INSYN2B: variants seen among roughly 807,000 people sequenced by gnomAD.
INSYN2B encodes inhibitory synaptic factor family member 2B.
Under a neutral mutation model 41.2 loss-of-function variants are expected in INSYN2B, and 16 were observed. The observed-to-expected ratio is 0.39, with a 90% CI of 0.26 to 0.59. The LOEUF (loss-of-function observed/expected upper bound fraction) is 0.59, where lower values mean the gene tolerates loss of function less well. INSYN2B is among the 20% of genes least tolerant of loss of function. INSYN2B has a pLI of 0.57. For missense variants in INSYN2B, 608 were observed against 646.4 expected, an observed-to-expected ratio of 0.94 and a Z score of 0.64; for synonymous variants, 245 against 244.4, an observed-to-expected ratio of 1.00 and a Z score of -0.02.
chr5:169,902,157 G>A (rs1477970758), intron 1 of INSYN2B, among the ~76,000 whole-genome samples: 1 of 152,136 alleles, frequency 6.6e-6, no homozygotes, highest in Non-Finnish European at 1.5e-5. Context: ...CACTGAAAAG[G>A]TCAAGGAAAG....
chr5:169,903,217 C>T (rs1435791519), intron 1 of INSYN2B, among the ~76,000 whole-genome samples: 1 of 148,594 alleles, frequency 6.7e-6, no homozygotes, highest in Admixed American at 6.8e-5. Flanking sequence ...TTTGAGGCTA[C>T]AGTGAGCTAT....
chr5:169,917,857 C>T (rs1324883458), intron 1 of INSYN2B, among the ~76,000 whole-genome samples: 1 of 152,144 alleles, frequency 6.6e-6, no homozygotes, highest in African/African-American at 2.4e-5. Context: ...GCTGGTCTTC[C>T]CTTTCCACTG....
intron 3 of INSYN2B, among the ~76,000 whole-genome samples, chr5:169,879,590 C>T (rs1419891024): frequency 6.6e-6 from 1 of 152,280 alleles, no homozygotes; most frequent in African/African-American, 2.4e-5. Context: ...GCTAACCCAA[C>T]CAGGGGTGTA....
intron 1 of INSYN2B, among the ~76,000 whole-genome samples, chr5:169,899,048 C>T (rs77279154): frequency 0.027 from 4,181 of 152,292 alleles, 69 homozygotes; most frequent in Non-Finnish European, 0.038. Context: ...TGAGACTTGG[C>T]TTCCTAATAC....
chr5:169,942,984 G>C (rs1231114038), intron 1 of INSYN2B, among the ~76,000 whole-genome samples: 1 of 152,148 alleles, frequency 6.6e-6, no homozygotes, highest in African/African-American at 2.4e-5. Flanking sequence ...TCGTATGCGT[G>C]GGACAAACAT....
At chr5:169,867,989 C>T (rs1448093801) in intron 3 of INSYN2B, among the ~76,000 whole-genome samples, 4 of 152,218 alleles carry the variant, frequency 2.6e-5, no homozygotes, top group Non-Finnish European at 5.9e-5. Context: ...ATTCACAATG[C>T]TCCTAGCTCC....
At chr5:169,977,398 C>T (rs1002775948) in intron 1 of INSYN2B, among the ~76,000 whole-genome samples, 3 of 152,196 alleles carry the variant, frequency 2.0e-5, no homozygotes, top group African/African-American at 7.2e-5. Context: ...CTTCTCTGGA[C>T]TTGAGTCAGC....
intron 1 of INSYN2B, among the ~76,000 whole-genome samples, chr5:169,923,391 C>G (rs1173561370): frequency 3.3e-5 from 5 of 152,164 alleles, no homozygotes; most frequent in Non-Finnish European, 7.3e-5. Context: ...CACATTGGCT[C>G]TAGTATAGGA....
chr5:169,926,634 C>T (rs1177428443), intron 1 of INSYN2B, among the ~76,000 whole-genome samples: 2 of 152,196 alleles, frequency 1.3e-5, no homozygotes, highest in Non-Finnish European at 2.9e-5. Context: ...CATTAGAATG[C>T]ATTATGCCAT....
At chr5:169,904,091 C>CAAA (rs57983281) in intron 1 of INSYN2B, among the ~76,000 whole-genome samples, 7,041 of 69,940 alleles carry the variant, frequency 0.1, 338 homozygotes, top group East Asian at 0.24. Flanking sequence ...GACTTCGTCT[C>CAAA]AAAAAAAAAA....
intron 1 of INSYN2B, among the ~76,000 whole-genome samples, chr5:169,886,950 C>T (rs565471574): frequency 1.9e-4 from 29 of 152,264 alleles, no homozygotes; most frequent in South Asian, 1.0e-3. Context: ...CTTCCTTAAT[C>T]CTATGACACT....
At chr5:169,901,237 T>C (rs777517155) in intron 1 of INSYN2B, among the ~76,000 whole-genome samples, 2 of 152,150 alleles carry the variant, frequency 1.3e-5, no homozygotes, top group African/African-American at 4.8e-5. Context: ...CTGGCTCTGA[T>C]GCAAGAAAGG....
intron 3 of INSYN2B, among the ~76,000 whole-genome samples, chr5:169,871,759 C>T (rs1162616727): frequency 2.0e-5 from 3 of 152,294 alleles, no homozygotes; most frequent in Admixed American, 6.5e-5. Context: ...TCACAGTCCC[C>T]TGTGGAACCA....
At chr5:169,910,307 G>C (rs1774523378) in intron 1 of INSYN2B, among the ~76,000 whole-genome samples, 1 of 152,200 alleles carries the variant, frequency 6.6e-6, no homozygotes, top group Admixed American at 6.5e-5. Context: ...GAATATGTAA[G>C]GAAGATCTCT....
At chr5:169,914,290 T>G (rs1774760413) in intron 1 of INSYN2B, among the ~76,000 whole-genome samples, 1 of 152,208 alleles carries the variant, frequency 6.6e-6, no homozygotes, top group Non-Finnish European at 1.5e-5. Context: ...CCATTCTTTC[T>G]GATTCTTTCA....
chr5:169,867,064 C>T (rs1771611514), intron 3 of INSYN2B, among the ~76,000 whole-genome samples: 1 of 152,206 alleles, frequency 6.6e-6, no homozygotes, highest in South Asian at 2.1e-4. Flanking sequence ...GATTAATTTG[C>T]TGGAGTGGTT....
At chr5:169,892,251 A>G (rs988811432) in intron 1 of INSYN2B, among the ~76,000 whole-genome samples, 14 of 152,270 alleles carry the variant, frequency 9.2e-5, no homozygotes, top group Admixed American at 8.5e-4. Context: ...AACCCCCCTC[A>G]TTATAGAGAT....
At chr5:169,972,050 A>T (rs1777525448) in intron 1 of INSYN2B, among the ~76,000 whole-genome samples, 1 of 152,246 alleles carries the variant, frequency 6.6e-6, no homozygotes, top group Non-Finnish European at 1.5e-5. Flanking sequence ...TATTTCCAAC[A>T]CAACTTCCCA....
intron 1 of INSYN2B, among the ~76,000 whole-genome samples, chr5:169,931,040 T>A (rs759373649): frequency 6.6e-6 from 1 of 152,192 alleles, no homozygotes; most frequent in Middle Eastern, 3.2e-3. Context: ...AAAAGTGGAT[T>A]TGTGGGAAGT....
Sources: gnomAD v4.1 joint callset for allele counts (sites outside exome capture counted in the v4.1 genomes callset) on GRCh38, gnomAD v4.1.1 for gene constraint, MANE v1.5 for transcripts, NCBI Gene and HGNC (gene_info 2026-07-23, HGNC 2026-07-21) for gene names.